USP48: variants seen among roughly 807,000 people sequenced by gnomAD.
USP48 encodes ubiquitin specific peptidase 48.
USP48 carries 43 observed loss-of-function variants against 150.7 expected under a neutral mutation model. That is an observed-to-expected ratio of 0.29 (90% CI 0.22 to 0.37). The LOEUF (loss-of-function observed/expected upper bound fraction) is 0.37, where lower values mean the gene tolerates loss of function less well. Among genes scored for constraint, USP48 ranks in the 10% least tolerant of loss-of-function variants. USP48 has a pLI of 1.00. For synonymous variants in USP48, 396 were observed against 425.9 expected, an observed-to-expected ratio of 0.93 and a Z score of 0.86; for missense variants, 813 against 1,249.6, an observed-to-expected ratio of 0.65 and a Z score of 5.27.
intron 7 of USP48, 49 bp from the exon 8 acceptor site, chr1:21,747,198 AC>A: frequency 7.5e-7 from 1 of 1,341,406 alleles, no homozygotes; most frequent in Non-Finnish European, 1.0e-6. Flanking sequence ...CAATCATAAT[AC>A]AATATATAAG....
intron 8 of USP48, among the ~76,000 whole-genome samples, chr1:21,737,376 C>T (rs185216024): frequency 1.1e-4 from 16 of 152,266 alleles, no homozygotes; most frequent in African/African-American, 3.4e-4. Flanking sequence ...AATGATACTG[C>T]ACTCAGATTT....
chr1:21,778,689 G>A (rs572797296), intron 1 of USP48, among the ~76,000 whole-genome samples: 3 of 150,738 alleles, frequency 2.0e-5, no homozygotes, highest in African/African-American at 4.9e-5. Context: ...AAGGCAGGAG[G>A]ATCACTTGAA....
chr1:21,679,296 T>C lies in USP48; in HGVS notation c.*121A>G, dbSNP rs565484355. 22 of 1,263,666 alleles carry C rather than the reference T, an allele frequency of 1.7e-5. No individual in the cohort carries two copies. In the East Asian group the frequency reaches 5.1e-4, roughly 29 times the overall value. 78.3% of individuals were successfully genotyped at this position (1,263,666 alleles called of 1,614,324 possible). On this transcript the variant is annotated 3_prime_UTR_variant, in exon 27 of 27. Transcript: ENST00000308271. Reference sequence around the variant, plus strand: ...GGACAGTCACGTTTGAATGGATTTCTGCCTTTTGGAAGGGGCATGTAATGG... The same window carrying C: ...GGACAGTCACGTTTGAATGGATTTCCGCCTTTTGGAAGGGGCATGTAATGG...
At chr1:21,697,121 C>G (rs1418033861) in intron 22 of USP48, among the ~76,000 whole-genome samples, 1 of 152,046 alleles carries the variant, frequency 6.6e-6, no homozygotes, top group Admixed American at 6.6e-5. Context: ...ATGCCACATA[C>G]TCATTACTCA....
chr1:21,719,063 T>TCAA (rs916794054), intron 14 of USP48, among the ~76,000 whole-genome samples: 5 of 151,758 alleles, frequency 3.3e-5, no homozygotes, highest in Non-Finnish European at 5.9e-5. Flanking sequence ...GCTCAGGAGT[T>TCAA]CAAGACCAGC....
rs1198231619 is a variant in USP48, at chr1:21,680,836, T to TGAAAAAAA, written c.3059-10_3059-3dup. ...TAAACCCTTCTTCTGGCATACAAAC[T>TGAAAAAAA]GAAAAAAAGAAAAAAAGAAGAATTC... is the stretch of plus-strand genomic sequence containing the variant. On this transcript the variant is annotated splice_polypyrimidine_tract_variant and splice_region_variant and intron_variant, in intron 25 of 26. Transcript: ENST00000308271. The TGAAAAAAA allele has an allele frequency of 6.3e-7, 1 of 1,587,490 alleles. No individual in the cohort carries two copies. Among genetic ancestry groups the TGAAAAAAA allele is most frequent in the Admixed American group, 1.9e-5 (1 of 53,128 alleles).
intron 22 of USP48, among the ~76,000 whole-genome samples, chr1:21,699,938 A>C (rs1258471635): frequency 6.6e-6 from 1 of 151,130 alleles, no homozygotes; most frequent in Non-Finnish European, 1.5e-5. Context: ...AGATGGGGAC[A>C]TGAAAACAGA....
intron 26 of USP48, among the ~76,000 whole-genome samples, chr1:21,680,596 C>T (rs563867161): frequency 2.6e-5 from 4 of 152,310 alleles, no homozygotes; most frequent in Non-Finnish European, 5.9e-5. Context: ...ACAGTTCTAA[C>T]ACAAAAGCCC....
At chr1:21,752,892 A>G (rs766559179) in intron 4 of USP48, 100 bp downstream of exon 4, 6 of 1,419,106 alleles carry the variant, frequency 4.2e-6, no homozygotes, top group Non-Finnish European at 4.6e-6. Context: ...GAAAAAATTT[A>G]ATTTTTAAAA....
At chr1:21,721,796 T>C in intron 12 of USP48, 32 bp from the exon 13 acceptor site, 2 of 1,446,248 alleles carry the variant, frequency 1.4e-6, no homozygotes. Flanking sequence ...AGGAAATATA[T>C]TTCATTCAAA....
intron 1 of USP48, among the ~76,000 whole-genome samples, chr1:21,777,670 T>G (rs145842560): frequency 4.9e-4 from 74 of 151,952 alleles, no homozygotes; most frequent in Middle Eastern, 3.4e-3. Context: ...CCTGCTTCAC[T>G]GATAAGAATA....
At chr1:21,771,858 T>C (rs886249600) in intron 1 of USP48, among the ~76,000 whole-genome samples, 20 of 150,480 alleles carry the variant, frequency 1.3e-4, no homozygotes, top group African/African-American at 4.7e-4. Context: ...GTGGAAGTTG[T>C]GGTGAGCCGA....
chr1:21,688,205 G>A (rs1278849987), intron 24 of USP48, among the ~76,000 whole-genome samples: 1 of 152,082 alleles, frequency 6.6e-6, no homozygotes, highest in Non-Finnish European at 1.5e-5. Flanking sequence ...GGCAAATGAG[G>A]CTGGTTCAAT....
intron 1 of USP48, among the ~76,000 whole-genome samples, chr1:21,772,609 C>T (rs1235868980): frequency 6.8e-6 from 1 of 146,340 alleles, no homozygotes; most frequent in Non-Finnish European, 1.5e-5. Flanking sequence ...GGTGACACAG[C>T]GAGGCTCCAT....
At chr1:21,726,876 A>G (rs1182675425) in intron 11 of USP48, among the ~76,000 whole-genome samples, 1 of 152,156 alleles carries the variant, frequency 6.6e-6, no homozygotes, top group Non-Finnish European at 1.5e-5. Flanking sequence ...GACTATATGA[A>G]ACCTCAGCAT....
At chr1:21,778,263 T>C (rs977821426) in intron 1 of USP48, among the ~76,000 whole-genome samples, 17 of 151,884 alleles carry the variant, frequency 1.1e-4, no homozygotes, top group African/African-American at 3.9e-4. Flanking sequence ...GATATATGAA[T>C]GGCCAATAAG....
At position 21,721,659 on chromosome 1, in the gene USP48, G is replaced by A; in HGVS notation, c.1754C>T (p.Ala585Val). The A allele has an allele frequency of 6.3e-7, 1 of 1,590,644 alleles. No homozygotes were observed. Among genetic ancestry groups the A allele is most frequent in the Non-Finnish European group, 8.6e-7 (1 of 1,165,228 alleles). The change falls in exon 13 of 27, where the codon GCA becomes GTA. Residue 585 changes from alanine to valine, a missense_variant. Physicochemically the swap from Ala to Val is moderately conservative, Grantham distance 64. Transcript: ENST00000308271. ...ACACTGTGCAACATACCCCTTTACTGCTGCTTTCAGCAGATTATTAACAGT... is the reference window on the plus strand; with the variant it reads ...ACACTGTGCAACATACCCCTTTACTACTGCTTTCAGCAGATTATTAACAGT... ...YKTVNNLLKAAVKGSDGFWVG... is the reference protein window; with the variant it reads ...YKTVNNLLKAVVKGSDGFWVG...
chr1:21,757,633 A>G, intron 2 of USP48, 30 bp downstream of exon 2: 1 of 1,599,808 alleles, frequency 6.3e-7, no homozygotes, highest in Non-Finnish European at 8.5e-7. Flanking sequence ...AAAACAGCAT[A>G]TAGCAATCGC....
chr1:21,775,520 G>T (rs912470676), intron 1 of USP48, among the ~76,000 whole-genome samples: 24 of 152,192 alleles, frequency 1.6e-4, no homozygotes, highest in African/African-American at 5.8e-4. Flanking sequence ...CTAACAAAGT[G>T]TTGGGACTAC....
Sources: gnomAD v4.1 joint callset for allele counts (sites outside exome capture counted in the v4.1 genomes callset) on GRCh38, gnomAD v4.1.1 for gene constraint, MANE v1.5 for transcripts, NCBI Gene and HGNC (gene_info 2026-07-23, HGNC 2026-07-21) for gene names.